PRKN: variants seen among roughly 807,000 people sequenced by gnomAD.
The protein encoded by PRKN is parkin RBR E3 ubiquitin protein ligase.
In PRKN, 56 loss-of-function variants were observed where a neutral mutation model predicts 59.5. The observed-to-expected ratio is 0.94, with a 90% CI of 0.76 to 1.18. The LOEUF is 1.18. PRKN is among the 50% of genes most tolerant of loss of function. PRKN has a pLI of 0.00. For missense variants in PRKN, 657 were observed against 596.4 expected, an observed-to-expected ratio of 1.10 and a Z score of -1.06; for synonymous variants, 250 against 222.1, an observed-to-expected ratio of 1.13 and a Z score of -1.12.
intron 1 of PRKN, among the ~76,000 whole-genome samples, chr6:162,717,932 C>CA (rs1370733756): frequency 2.0e-5 from 3 of 152,114 alleles, no homozygotes; most frequent in Admixed American, 1.3e-4. Context: ...TCAGTATTTC[C>CA]AAAACATTAT....
intron 4 of PRKN, among the ~76,000 whole-genome samples, chr6:162,101,528 C>G (rs112262253): frequency 6.6e-6 from 1 of 151,678 alleles, no homozygotes; most frequent in African/African-American, 2.4e-5. Context: ...AAAAATTAGC[C>G]GGGCGTGGTG....
intron 6 of PRKN, among the ~76,000 whole-genome samples, chr6:161,895,308 T>C (rs1483240246): frequency 6.6e-6 from 1 of 152,140 alleles, no homozygotes; most frequent in East Asian, 1.9e-4. Flanking sequence ...ACCTGAACGA[T>C]TGGCATAAGA....
chr6:161,748,691 T>C (rs1218701986), intron 7 of PRKN, among the ~76,000 whole-genome samples: 1 of 152,084 alleles, frequency 6.6e-6, no homozygotes, highest in Admixed American at 6.5e-5. Context: ...CAGGTGCCTT[T>C]AGTGAGACAA....
intron 1 of PRKN, among the ~76,000 whole-genome samples, chr6:162,704,230 G>A (rs1181887115): frequency 6.6e-6 from 1 of 152,128 alleles, no homozygotes; most frequent in Non-Finnish European, 1.5e-5. Flanking sequence ...TGGACTGCGG[G>A]GGGGTTGTAG....
intron 4 of PRKN, among the ~76,000 whole-genome samples, chr6:162,120,074 G>A (rs943422991): frequency 3.3e-5 from 5 of 152,178 alleles, no homozygotes; most frequent in Admixed American, 1.3e-4. Context: ...CTGGAGCTCA[G>A]TGGCGAGACT....
intron 6 of PRKN, among the ~76,000 whole-genome samples, chr6:161,954,582 T>C (rs1028858548): frequency 6.6e-6 from 1 of 152,196 alleles, no homozygotes; most frequent in African/African-American, 2.4e-5. Flanking sequence ...AGATGACTCT[T>C]GTAATTGTTT....
At chr6:162,568,425 T>C (rs28578538) in intron 1 of PRKN, 132,829 of 584,816 alleles carry the variant, frequency 0.23, 17,269 homozygotes, top group East Asian at 0.51. Flanking sequence ...TCCACCTCTA[T>C]GGGCAGCAGC....
intron 2 of PRKN, among the ~76,000 whole-genome samples, chr6:162,437,733 C>T (rs1243037318): frequency 1.3e-5 from 2 of 152,138 alleles, no homozygotes; most frequent in Non-Finnish European, 2.9e-5. Context: ...CCCTGAGATC[C>T]ATCCAAGATA....
At chr6:161,711,321 C>T (rs1204171029) in intron 7 of PRKN, among the ~76,000 whole-genome samples, 1 of 152,094 alleles carries the variant, frequency 6.6e-6, no homozygotes, top group East Asian at 1.9e-4. Context: ...ATTGTTACTA[C>T]AGTAAAAATA....
intron 7 of PRKN, among the ~76,000 whole-genome samples, chr6:161,637,912 G>T (rs1037244471): frequency 6.6e-6 from 1 of 152,210 alleles, no homozygotes; most frequent in African/African-American, 2.4e-5. Flanking sequence ...TGGGGCAAAG[G>T]TCTTGATCCC....
intron 1 of PRKN, among the ~76,000 whole-genome samples, chr6:162,457,850 G>A (rs190957561): frequency 1.3e-5 from 2 of 152,192 alleles, no homozygotes; most frequent in Admixed American, 1.3e-4. Context: ...GCCGGGCGTG[G>A]TGGCTCTCAT....
At chr6:161,848,234 T>A (rs1793280364) in intron 6 of PRKN, among the ~76,000 whole-genome samples, 1 of 152,224 alleles carries the variant, frequency 6.6e-6, no homozygotes, top group Non-Finnish European at 1.5e-5. Flanking sequence ...TGCATTAATG[T>A]TCATAGACAA....
At position 162,286,497 on chromosome 6, in the gene PRKN, A is replaced by G. The variant is rs115238675; in HGVS notation, c.172-23732T>C. Reference sequence around the variant, plus strand: ...TAAGCCCACTGGCATTATACATGCAATACTGACTCCAATAAAATTTATCAT... The same window carrying G: ...TAAGCCCACTGGCATTATACATGCAGTACTGACTCCAATAAAATTTATCAT... On this transcript the variant is annotated intron_variant, in intron 2 of 11. Coordinates refer to ENST00000366898, the MANE Select transcript of PRKN (RefSeq NM_004562.3). 8.0e-3 allele frequency among the ~76,000 whole-genome samples: 1,211 copies of G among 152,302 alleles called. 13 individuals carry two copies. Among genetic ancestry groups the G allele is most frequent in the African/African-American group, 0.027 (1,131 of 41,560 alleles).
Position 161,658,605 on chromosome 6 carries a change from C to T in PRKN, c.872-89189G>A, listed in dbSNP as rs557780882. ...TTTACAAATCACATGCTGTCTTTAC[C>T]GGTACAAAAAATTTATCAGAGGTGG... is the stretch of plus-strand genomic sequence containing the variant. On this transcript the variant is annotated intron_variant, in intron 7 of 11. Coordinates refer to ENST00000366898, the MANE Select transcript of PRKN (RefSeq NM_004562.3). Among the ~76,000 whole-genome samples, 12 of 152,136 alleles carry T rather than the reference C, an allele frequency of 7.9e-5. No individual in the cohort carries two copies. The South Asian group carries it at 1.5e-3, about 18-fold the overall frequency.
intron 9 of PRKN, among the ~76,000 whole-genome samples, chr6:161,517,650 G>A (rs1157374896): frequency 6.7e-6 from 1 of 148,410 alleles, no homozygotes; most frequent in Non-Finnish European, 1.5e-5. Context: ...TGAGGCAGGA[G>A]AATGGTGTGA....
At chr6:161,366,982 CTTTTTTTTT>C (rs57164972) in intron 10 of PRKN, among the ~76,000 whole-genome samples, 3 of 91,946 alleles carry the variant, frequency 3.3e-5, no homozygotes, top group African/African-American at 4.3e-5. Context: ...TTTTTGTTTC[CTTTTTTTTT>C]TTTTTTTTTT....
chr6:161,890,108 G>T (rs2128231827), intron 6 of PRKN, among the ~76,000 whole-genome samples: 1 of 152,242 alleles, frequency 6.6e-6, no homozygotes, highest in Non-Finnish European at 1.5e-5. Context: ...TCCCTTGTGT[G>T]ACTAAAGCAA....
intron 3 of PRKN, among the ~76,000 whole-genome samples, chr6:162,251,515 T>C (rs757580237): frequency 6.6e-6 from 1 of 152,184 alleles, no homozygotes; most frequent in Non-Finnish European, 1.5e-5. Flanking sequence ...GGATCCAGTA[T>C]ATTAGATATG....
chr6:162,472,225 T>C (rs1220157613), intron 1 of PRKN, among the ~76,000 whole-genome samples: 1 of 151,966 alleles, frequency 6.6e-6, no homozygotes, highest in Non-Finnish European at 1.5e-5. Flanking sequence ...TTTTATATAC[T>C]TTAAGTTCTA....
Sources: allele counts gnomAD v4.1 joint callset (sites outside exome capture counted in the v4.1 genomes callset), GRCh38; gene constraint gnomAD v4.1.1; transcripts MANE v1.5; gene names NCBI Gene and HGNC (gene_info 2026-07-23, HGNC 2026-07-21).